Variants in FAM174C observed in about 807,000 individuals in gnomAD.
FAM174C encodes family with sequence similarity 174 member C, also known as protein FAM174C.
In FAM174C, 19 loss-of-function variants were observed where a neutral mutation model predicts 12.3. The observed-to-expected ratio is 1.55, with a 90% CI of 1.08 to 2.27. The LOEUF (loss-of-function observed/expected upper bound fraction) is 2.27, where lower values mean the gene tolerates loss of function less well. Ranked by LOEUF, FAM174C falls within the 30% of genes most tolerant of loss-of-function variation. FAM174C has a pLI of 0.00. For synonymous variants in FAM174C, 147 were observed against 103.5 expected, an observed-to-expected ratio of 1.42 and a Z score of -2.55; for missense variants, 239 against 190.2, an observed-to-expected ratio of 1.26 and a Z score of -1.51.
At position 1,277,183 on chromosome 19, in the gene FAM174C, G is replaced by T; in HGVS notation, c.282G>T (p.Arg94Ser). The T allele has an allele frequency of 6.5e-7, 1 of 1,538,018 alleles. No individual in the cohort carries two copies. Among genetic ancestry groups the T allele is most frequent in the Non-Finnish European group, 8.8e-7 (1 of 1,136,320 alleles). ...TGACTATGCCTGGACCTACTTCCAGGTTGAAGAAGCCTCAGCGGAGGCGAT... is the reference window on the plus strand; with the variant it reads ...TGACTATGCCTGGACCTACTTCCAGTTTGAAGAAGCCTCAGCGGAGGCGAT... ...TALYFLIRAF[R>S]LKKPQRRRYG... is the part of the protein sequence containing the mutation. The change falls in exon 2 of 3, where the codon AGG (arginine) becomes AGT (serine). Residue 94 changes from arginine to serine, a missense_variant and splice_region_variant. Arg to Ser is a moderately radical substitution (Grantham distance 110, BLOSUM62 -1). Transcript: ENST00000409293.
At position 1,278,973 on chromosome 19, in the gene FAM174C, G is replaced by A. The variant is rs367909874; in HGVS notation, c.*196G>A. 57 of 1,612,354 alleles carry A rather than the reference G, an allele frequency of 3.5e-5. No homozygotes were observed. Among genetic ancestry groups the A allele is most frequent in the African/African-American group, 1.3e-4 (10 of 74,936 alleles). On this transcript the variant is annotated 3_prime_UTR_variant, in exon 3 of 3. Coordinates refer to ENST00000409293, the MANE Select transcript of FAM174C (RefSeq NM_017914.4). ...CGACCTGTTGCCACCTGCACCCACC[G>A]CTGGACCATGCAGCCTCGCCTCCTG...
At chr19:1,276,955 G>C (rs1369146856) in intron 1 of FAM174C, 6 of 505,848 alleles carry the variant, frequency 1.2e-5, no homozygotes, top group African/African-American at 1.2e-4. Flanking sequence ...CCTGGCGCAG[G>C]GGAGATGGGA....
At position 1,278,723 on chromosome 19, in the gene FAM174C, C is replaced by T. The variant is rs534773155; in HGVS notation, c.*-54C>T. 69 of 1,605,882 alleles carry T rather than the reference C, an allele frequency of 4.3e-5. 1 individual carries two copies. In the African/African-American group the frequency reaches 6.3e-4, roughly 15 times the overall value. On this transcript the variant is annotated intron_variant, in intron 2 of 2. Coordinates refer to ENST00000409293, the MANE Select transcript of FAM174C (RefSeq NM_017914.4). ...TGCCTGACCTGGGTGAGCCTCTGCC[C>T]GGCAGGGCGGGCCCTTCACTCCTTC... is the stretch of plus-strand genomic sequence containing the variant.
Position 1,276,981 on chromosome 19 carries a change from CAT to C in FAM174C, c.282-201_282-200del, listed in dbSNP as rs1324767929. On this transcript the variant is annotated intron_variant, in intron 1 of 2. Transcript: ENST00000409293. ...GGAGATGGGAGGGCCTGGTAGGGCA[CAT>C]GTCTTCTTACTGTCATCGCCATGGG... The C allele has an allele frequency of 6.6e-6, 5 of 760,580 alleles. 1 individual carries two copies. The South Asian group carries it at 7.8e-5, about 12-fold the overall frequency. The allele number at this position is 760,580 out of a possible 1,614,324, so 47.1% of individuals were successfully genotyped here. A position where few individuals can be genotyped will look rare whatever the true frequency, so the allele number is the denominator to read the frequency against.
chr19:1,276,507 G>A (rs2081415896), intron 1 of FAM174C: 1 of 152,472 alleles, frequency 6.6e-6, no homozygotes, highest in African/African-American at 2.4e-5. Flanking sequence ...GACACAGCGA[G>A]GACCTTATCC....
chr19:1,278,993 C>T lies in FAM174C; in HGVS notation c.*216C>T, dbSNP rs767388105. The T allele has an allele frequency of 5.6e-6, 9 of 1,612,160 alleles. No individual in the cohort carries two copies. In the East Asian group the frequency reaches 1.1e-4, roughly 20 times the overall value. ...CCACCGCTGGACCATGCAGCCTCGCCTCCTGGATGCTGTCCCAGCCTGGCC... is the reference window on the plus strand; with the variant it reads ...CCACCGCTGGACCATGCAGCCTCGCTTCCTGGATGCTGTCCCAGCCTGGCC... On this transcript the variant is annotated 3_prime_UTR_variant, in exon 3 of 3. Coordinates refer to ENST00000409293, the MANE Select transcript of FAM174C (RefSeq NM_017914.4).
chr19:1,277,842 TC>T (rs1382703404), intron 2 of FAM174C: 1 of 153,720 alleles, frequency 6.5e-6, no homozygotes, highest in Non-Finnish European at 1.4e-5. Flanking sequence ...TGGCACGATC[TC>T]TGCTCACTGC....
rs775550989 is a variant in FAM174C at position 1,275,816 on chromosome 19, G to A, written c.267G>A (p.Leu89=). The change falls in exon 1 of 3, where the codon CTG becomes CTA. Residue 89 remains leucine (L), a synonymous_variant. Coordinates refer to ENST00000409293, the MANE Select transcript of FAM174C (RefSeq NM_017914.4). ...GFCGLTALYF[L]IRAFRLKKPQ... ...GCGGCCTGACCGCGCTCTACTTCCT[G>A]ATCCGGGCGTTTAGGTGCGTCAGGC... The A allele has an allele frequency of 1.3e-6, 2 of 1,537,242 alleles. 1 individual carries two copies.
Position 1,277,175 on chromosome 19 carries a change from A to G in FAM174C, c.282-8A>G. ...GGGGCCACTGACTATGCCTGGACCT[A>G]CTTCCAGGTTGAAGAAGCCTCAGCG... On this transcript the variant is annotated splice_polypyrimidine_tract_variant and splice_region_variant and intron_variant, in intron 1 of 2. Transcript: ENST00000409293. 1 of 1,536,042 alleles carries G rather than the reference A, an allele frequency of 6.5e-7. No homozygotes were observed. The highest frequency in any genetic ancestry group is 8.8e-7 in the Non-Finnish European group (1 of 1,134,672).
At chr19:1,277,053 C>T in intron 1 of FAM174C, 130 bp from the exon 2 acceptor site, 6 of 1,349,808 alleles carry the variant, frequency 4.4e-6, no homozygotes, top group South Asian at 1.6e-5. Flanking sequence ...AAGAAGCAGG[C>T]ACAGCAAAAC....
rs2144600884 is a variant in FAM174C at position 1,279,192 on chromosome 19, C to T, written c.*415C>T. ...GAACCTTTCTGGGAACACCTTCTCG[C>T]CGGGCTGGGAACAATAAATGCAGCC... On this transcript the variant is annotated 3_prime_UTR_variant, in exon 3 of 3. Transcript: ENST00000409293. 1 of 1,611,614 alleles carries T rather than the reference C, an allele frequency of 6.2e-7. No individual in the cohort carries two copies. Among genetic ancestry groups the T allele is most frequent in the South Asian group, 1.1e-5 (1 of 90,978 alleles).
At chr19:1,277,093 C>G in intron 1 of FAM174C, 90 bp from the exon 2 acceptor site, 1 of 1,468,646 alleles carries the variant, frequency 6.8e-7, no homozygotes, top group Non-Finnish European at 9.1e-7. Context: ...GCTCGGGGCT[C>G]CAGTAGAGGA....
chr19:1,278,821 G>A lies in FAM174C; in HGVS notation c.*44G>A. 6.2e-7 allele frequency: 1 copy of A among 1,613,066 alleles called. No individual in the cohort carries two copies. The highest frequency in any genetic ancestry group is 8.5e-7 in the Non-Finnish European group (1 of 1,179,906). On this transcript the variant is annotated 3_prime_UTR_variant, in exon 3 of 3. Coordinates refer to ENST00000409293, the MANE Select transcript of FAM174C (RefSeq NM_017914.4). ...GCCCTTCCAGCAGCCATGAGGGAAGGACAGGAGATGGGGCCCACCCCAGTG... is the reference window on the plus strand; with the variant it reads ...GCCCTTCCAGCAGCCATGAGGGAAGAACAGGAGATGGGGCCCACCCCAGTG...
At chr19:1,276,240 C>A (rs2144597517) in intron 1 of FAM174C, 1 of 209,994 alleles carries the variant, frequency 4.8e-6, no homozygotes, top group Admixed American at 5.6e-5. Flanking sequence ...TCCGTGGGGT[C>A]CCGATATTTT....
At chr19:1,278,588 C>A (rs2081425778) in intron 2 of FAM174C, among the ~76,000 whole-genome samples, 189 bp from the exon 3 acceptor site, 1 of 141,612 alleles carries the variant, frequency 7.1e-6, no homozygotes. Context: ...GCTGGGGGCC[C>A]CTTCCCCCGG....
rs546805190 is a variant in FAM174C at position 1,278,100 on chromosome 19, C to T, written c.*-677C>T. On this transcript the variant is annotated intron_variant, in intron 2 of 2. Coordinates refer to ENST00000409293, the MANE Select transcript of FAM174C (RefSeq NM_017914.4). The stretch of plus-strand genomic sequence containing the variant: ...TTCTTGCTTTTTTAAGGCAGGAAAG[C>T]GGCTGCAGGGCTTAGGGTAGTGGTT... Among the ~76,000 whole-genome samples the T allele has an allele frequency of 3.2e-4, 10 of 31,176 alleles. 1 individual carries two copies. In the East Asian group the frequency reaches 0.015, roughly 46 times the overall value. 20.5% of individuals were successfully genotyped at this position (31,176 alleles called of 152,430 possible).
Position 1,275,593 on chromosome 19 carries a change from T to TGGCGCTGCTGCTGGC in FAM174C, c.53_67dup (p.Leu18_Leu22dup), listed in dbSNP as rs946217580. ...CAGCCGCCGCTGCTGCTGCTCCTGC[T>TGGCGCTGCTGCTGGC]GGCGCTGCTGCTGGCGGCGCTGCCG... On this transcript the variant is annotated inframe_insertion, in exon 1 of 3. Transcript: ENST00000409293. The TGGCGCTGCTGCTGGC allele has an allele frequency of 8.0e-5, 100 of 1,244,086 alleles. No homozygotes were observed. Among genetic ancestry groups the TGGCGCTGCTGCTGGC allele is most frequent in the Non-Finnish European group, 8.9e-5 (89 of 997,516 alleles). 77.1% of individuals were successfully genotyped at this position (1,244,086 alleles called of 1,614,324 possible).
At chr19:1,276,112 A>G (rs1401534349) in intron 1 of FAM174C, 1 of 475,906 alleles carries the variant, frequency 2.1e-6, no homozygotes, top group South Asian at 2.5e-5. Context: ...AGGTGGGGCC[A>G]CTGAAGCCGG....
At chr19:1,277,015 T>G in intron 1 of FAM174C, 168 bp from the exon 2 acceptor site, 1 of 1,059,096 alleles carries the variant, frequency 9.4e-7, no homozygotes, top group Non-Finnish European at 1.3e-6. Flanking sequence ...TGGGAGTGAA[T>G]GGTAATCACT....
Sources: gnomAD v4.1 joint callset for allele counts (sites outside exome capture counted in the v4.1 genomes callset) on GRCh38, gnomAD v4.1.1 for gene constraint, MANE v1.5 for transcripts, NCBI Gene and HGNC (gene_info 2026-07-23, HGNC 2026-07-21) for gene names.